NRXN2: variants seen among roughly 807,000 people sequenced by gnomAD.
NRXN2 encodes the protein neurexin 2.
Under a neutral mutation model 128.8 loss-of-function variants are expected in NRXN2, and 29 were observed. The observed-to-expected ratio is 0.23, with a 90% confidence interval of 0.17 to 0.31. The LOEUF is 0.31. Among genes scored for constraint, NRXN2 ranks in the 10% least tolerant of loss-of-function variants. NRXN2 has a pLI of 1.00. For missense variants in NRXN2, 1,881 were observed against 2,452.6 expected (o/e 0.77, Z 4.92); for synonymous variants, 1,098 against 1,075.2 (o/e 1.02, Z -0.41).
At chr11:64,664,697 A>G (rs2049537435) in intron 9 of NRXN2, among the ~76,000 whole-genome samples, 1 of 152,086 alleles carries the variant, frequency 6.6e-6, no homozygotes, top group African/African-American at 2.4e-5. Context: ...CACATAGGAA[A>G]TGGGTCATCA....
intron 11 of NRXN2, chr11:64,659,579 C>T (rs1331786340): frequency 3.9e-5 from 6 of 152,714 alleles, no homozygotes; most frequent in African/African-American, 1.2e-4. Context: ...GGGAAAAGCA[C>T]TGAATTTTAA....
At chr11:64,704,847 T>C (rs2361216) in intron 2 of NRXN2, among the ~76,000 whole-genome samples, 49,882 of 152,118 alleles carry the variant, frequency 0.33, 10,535 homozygotes, top group African/African-American at 0.59. Flanking sequence ...CACGACCACC[T>C]TGAGTCATCT....
rs373662742 is a variant in NRXN2, at chr11:64,622,702, C to A, written c.4173+51G>T. 31 of 1,575,904 alleles carry A rather than the reference C, an allele frequency of 2.0e-5. No individual in the cohort carries two copies. The African/African-American group carries it at 3.8e-4, about 19-fold the overall frequency. ...CTACTGTGGCTATGCAGATATCAACCCCATCCCCACCTATCCCTGCCCTAA... is the reference window on the plus strand; with the variant it reads ...CTACTGTGGCTATGCAGATATCAACACCATCCCCACCTATCCCTGCCCTAA... On this transcript the variant is annotated intron_variant, in intron 21 of 22. Transcript: ENST00000265459. This position sits in a 1 kb window ranked among gnomAD's most constrained non-coding sequence, Gnocchi z 4.3.
At chr11:64,637,987 GCACC>G (rs1388589905) in intron 17 of NRXN2, among the ~76,000 whole-genome samples, 1 of 151,914 alleles carries the variant, frequency 6.6e-6, no homozygotes, top group Non-Finnish European at 1.5e-5. Flanking sequence ...AGGCGGCGAC[GCACC>G]CAGCTGCACA....
chr11:64,713,118 G>A lies in NRXN2; in HGVS notation c.582C>T (p.Ser194=). 1.4e-6 allele frequency: 2 copies of A among 1,410,920 alleles called. No homozygotes were observed. The highest frequency in any genetic ancestry group is 1.8e-6 in the Non-Finnish European group (2 of 1,081,724). The allele number at this position is 1,410,920 out of a possible 1,614,324, so 87.4% of individuals were successfully genotyped here. Residue 194 remains serine (S), a synonymous_variant, in exon 2 of 23, where the codon AGC becomes AGT. Transcript: ENST00000265459. ...LGERPPALLG[S]QGLRGATADP... ...CGGCGGTGGCGCCGCGCAGGCCCTGGCTGCCCAGCAGCGCGGGGGGCCGCT... is the reference window on the plus strand; with the variant it reads ...CGGCGGTGGCGCCGCGCAGGCCCTGACTGCCCAGCAGCGCGGGGGGCCGCT...
At chr11:64,705,356 G>T (rs751192328) in intron 2 of NRXN2, among the ~76,000 whole-genome samples, 1 of 152,130 alleles carries the variant, frequency 6.6e-6, no homozygotes, top group East Asian at 1.9e-4. Context: ...AATGGAGAAA[G>T]TTATTCTCAT....
intron 22 of NRXN2, among the ~76,000 whole-genome samples, chr11:64,616,690 G>A (rs2041584026): frequency 6.6e-6 from 1 of 152,178 alleles, no homozygotes; most frequent in South Asian, 2.1e-4. Context: ...GTCTGTCTCT[G>A]GGTCTGAGCA....
Position 64,667,614 on chromosome 11 carries a change from C to A in NRXN2, c.1434G>T (p.Leu478=). The change falls in exon 9 of 23, where the codon CTG becomes CTT. Residue 478 remains leucine (L), a synonymous_variant. Transcript: ENST00000265459. This position sits in a 1 kb window ranked among gnomAD's most constrained non-coding sequence, Gnocchi z 5.6. ...LAKEGDPKMK[L]QGDLSFRCED... is the part of the protein sequence containing the mutation. Reference sequence around the variant, plus strand: ...CACAGCGGAATGACAAGTCCCCCTGCAGCTTCATCTTGGGGTCCCCTTCCT... The same window carrying A: ...CACAGCGGAATGACAAGTCCCCCTGAAGCTTCATCTTGGGGTCCCCTTCCT... 1.2e-6 allele frequency: 2 copies of A among 1,614,228 alleles called. No homozygotes were observed. The highest frequency in any genetic ancestry group is 1.7e-6 in the Non-Finnish European group (2 of 1,180,040).
intron 5 of NRXN2, 135 bp from the exon 6 acceptor site, chr11:64,686,082 G>A (rs2135567083): frequency 1.1e-6 from 1 of 901,544 alleles, no homozygotes; most frequent in Non-Finnish European, 1.8e-6. Context: ...GTAGCTTTAG[G>A]CCCCTTTCCC....
chr11:64,694,612 A>G (rs1399209628), intron 3 of NRXN2, among the ~76,000 whole-genome samples: 1 of 152,098 alleles, frequency 6.6e-6, no homozygotes, highest in East Asian at 1.9e-4. Flanking sequence ...TCTTGGGAGG[A>G]TGTAGGTTTT....
Position 64,713,150 on chromosome 11 carries a change from G to C in NRXN2, c.550C>G (p.Leu184Val). 1 of 1,451,068 alleles carries C rather than the reference G, an allele frequency of 6.9e-7. No individual in the cohort carries two copies. The highest frequency in any genetic ancestry group is 9.1e-7 in the Non-Finnish European group (1 of 1,103,478). The allele number at this position is 1,451,068 out of a possible 1,614,324, so 89.9% of individuals were successfully genotyped here. ...PFRGLLANLKLGERPPALLGS... is the reference protein window; with the variant it reads ...PFRGLLANLKVGERPPALLGS... The stretch of plus-strand genomic sequence containing the variant: ...AGCAGCGCGGGGGGCCGCTCGCCCA[G>C]CTTCAGGTTGGCCAAGAGGCCGCGG... Residue 184 changes from leucine (L) to valine (V), a missense_variant, in exon 2 of 23, where the codon CTG becomes GTG. Leu to Val is a conservative substitution (Grantham distance 32). This residue lies in a region of NRXN2 where 997 missense variants were observed against 1,240.8 expected (regional missense o/e 0.80). Transcript: ENST00000265459.
rs1025260963 is a variant in NRXN2, at chr11:64,723,170, C to G, written c.-444G>C. The G allele has an allele frequency of 1.3e-5, 2 of 149,170 alleles. No individual in the cohort carries two copies. The highest frequency in any genetic ancestry group is 4.9e-5 in the African/African-American group (2 of 40,602). The allele number at this position is 149,170 out of a possible 1,614,324, so 9.2% of individuals were successfully genotyped here. A position where few individuals can be genotyped will look rare whatever the true frequency, so the allele number is the denominator to read the frequency against. On this transcript the variant is annotated 5_prime_UTR_variant, in exon 1 of 23. Coordinates refer to ENST00000265459, the MANE Select transcript of NRXN2 (RefSeq NM_015080.4). Reference sequence around the variant, plus strand: ...GCTCCGCGAGTCAGGGCGGCTGCTCCCGCCGCCGCATCCCTGCAACACCGA... The same window carrying G: ...GCTCCGCGAGTCAGGGCGGCTGCTCGCGCCGCCGCATCCCTGCAACACCGA...
intron 1 of NRXN2, among the ~76,000 whole-genome samples, chr11:64,717,323 T>C (rs549449828): frequency 1.2e-4 from 19 of 152,266 alleles, no homozygotes; most frequent in Non-Finnish European, 2.4e-4. Context: ...CTGACGTCAG[T>C]GCAGTGCACA....
chr11:64,642,892 G>A (rs1454838296), intron 17 of NRXN2: 5 of 1,030,054 alleles, frequency 4.9e-6, no homozygotes, highest in Non-Finnish European at 5.8e-6. Context: ...CTCCGGCTCC[G>A]AGCTCCGGGA....
intron 19 of NRXN2, among the ~76,000 whole-genome samples, chr11:64,628,940 G>A (rs2043465299): frequency 3.3e-5 from 5 of 152,292 alleles, no homozygotes; most frequent in Admixed American, 3.3e-4. Flanking sequence ...GTCTGCAGTT[G>A]TCCATATGTC....
intron 11 of NRXN2, chr11:64,659,315 G>C (rs1327762430): frequency 1.3e-5 from 2 of 152,292 alleles, no homozygotes; most frequent in Admixed American, 1.3e-4. Context: ...CCCCTGGCTT[G>C]AACATACCTA....
intron 2 of NRXN2, among the ~76,000 whole-genome samples, chr11:64,705,308 G>T (rs756572683): frequency 2.0e-5 from 3 of 152,182 alleles, no homozygotes; most frequent in Non-Finnish European, 2.9e-5. Flanking sequence ...TCAGATCCCA[G>T]CTCTTACATC....
chr11:64,686,810 T>C (rs747018916), intron 5 of NRXN2, among the ~76,000 whole-genome samples: 29 of 152,308 alleles, frequency 1.9e-4, no homozygotes, highest in East Asian at 5.8e-4. Context: ...TGTATGTCCA[T>C]AGGCACCCGG....
chr11:64,611,218 G>A (rs1424472810), intron 22 of NRXN2, among the ~76,000 whole-genome samples: 1 of 152,222 alleles, frequency 6.6e-6, no homozygotes, highest in Non-Finnish European at 1.5e-5. Flanking sequence ...AGGGAAGGGA[G>A]TGGGCGTCTC....
Sources: gnomAD v4.1 joint callset for allele counts (sites outside exome capture counted in the v4.1 genomes callset) on GRCh38, gnomAD v4.1.1 for gene constraint, gnomAD v4.1.1 regional missense constraint, Gnocchi (gnomAD v3.1) non-coding constraint, MANE v1.5 for transcripts, NCBI Gene and HGNC (gene_info 2026-07-23, HGNC 2026-07-21) for gene names.